Variants in KYNU observed in about 807,000 individuals in gnomAD.
The protein encoded by KYNU is kynureninase.
KYNU carries 54 observed loss-of-function variants against 59.2 expected under a neutral mutation model. The ratio of observed to expected loss-of-function variants is 0.91; its 90% CI spans 0.73 to 1.14. KYNU has a LOEUF of 1.14. Ranked by LOEUF, KYNU falls within the 50% of genes most tolerant of loss-of-function variation. The pLI is 0.00. For missense variants in KYNU, 567 were observed against 554.4 expected (o/e 1.02, Z -0.23); for synonymous variants, 177 against 192.0 (o/e 0.92, Z 0.65).
At position 142,919,123 on chromosome 2, in the gene KYNU, C is replaced by T. The variant is rs377642900; in HGVS notation, c.290+394C>T. Among the ~76,000 whole-genome samples the T allele has an allele frequency of 3.2e-4, 49 of 152,216 alleles. No individual in the cohort carries two copies. The East Asian group carries it at 4.0e-3, about 13-fold the overall frequency. On this transcript the variant is annotated intron_variant, in intron 3 of 13. Coordinates refer to ENST00000264170, the MANE Select transcript of KYNU (RefSeq NM_003937.3). ...TTTTTTTCCCCAAATATTTTTGATC[C>T]GCAGTTGGTTGAATCCATAGAGAGG...
chr2:142,885,960 T>C (rs1230287773), intron 2 of KYNU, among the ~76,000 whole-genome samples: 4 of 152,186 alleles, frequency 2.6e-5, no homozygotes, highest in Non-Finnish European at 4.4e-5. Context: ...GTGACCTGGA[T>C]ATATTAGAAG....
chr2:142,910,763 G>C (rs955350460), intron 2 of KYNU, among the ~76,000 whole-genome samples: 2 of 152,160 alleles, frequency 1.3e-5, no homozygotes, highest in African/African-American at 4.8e-5. Flanking sequence ...GTGAAAGGTA[G>C]GGGTCCAGTT....
At chr2:142,960,480 A>G in intron 7 of KYNU, 144 bp from the exon 8 acceptor site, 1 of 603,950 alleles carries the variant, frequency 1.7e-6, no homozygotes, top group South Asian at 2.9e-5. Context: ...TGCTGCTCTT[A>G]TGCCAGATTT....
chr2:142,998,165 A>C (rs1165959546), intron 10 of KYNU, among the ~76,000 whole-genome samples: 1 of 152,064 alleles, frequency 6.6e-6, no homozygotes, highest in Admixed American at 6.6e-5. Context: ...TTTGATTTTT[A>C]ATTTTTGATG....
chr2:142,980,859 A>G (rs1685032480), intron 8 of KYNU, among the ~76,000 whole-genome samples: 1 of 152,142 alleles, frequency 6.6e-6, no homozygotes, highest in Non-Finnish European at 1.5e-5. Context: ...TCAAGTATAG[A>G]GTGTTTGCTT....
intron 10 of KYNU, among the ~76,000 whole-genome samples, chr2:143,028,185 C>T (rs1243093124): frequency 1.3e-5 from 2 of 150,782 alleles, no homozygotes; most frequent in East Asian, 1.9e-4. Context: ...AATATATACA[C>T]ACACGTATGT....
At chr2:142,903,971 T>C (rs1682197186) in intron 2 of KYNU, among the ~76,000 whole-genome samples, 1 of 152,220 alleles carries the variant, frequency 6.6e-6, no homozygotes. Context: ...CTTTTCTTTA[T>C]CCCGTTTATC....
At chr2:142,928,997 C>T (rs1481358683) in intron 4 of KYNU, among the ~76,000 whole-genome samples, 1 of 125,272 alleles carries the variant, frequency 8.0e-6, no homozygotes, top group African/African-American at 3.2e-5. Context: ...GACAGGGTGA[C>T]ACCCTGTCTC....
In KYNU at chr2:142,966,734, G is replaced by A. The variant is rs140587294; in HGVS notation, c.729+5964G>A. Among the ~76,000 whole-genome samples the A allele has an allele frequency of 3.3e-5, 5 of 152,108 alleles. No individual in the cohort carries two copies. The East Asian group carries it at 7.7e-4, about 23-fold the overall frequency. ...CATTTAACAAATTAGGAAAATAATCGTGCCAACTTCACAGGTTTGTTCTAA... is the reference window on the plus strand; with the variant it reads ...CATTTAACAAATTAGGAAAATAATCATGCCAACTTCACAGGTTTGTTCTAA... On this transcript the variant is annotated intron_variant, in intron 8 of 13. Transcript: ENST00000264170.
intron 2 of KYNU, among the ~76,000 whole-genome samples, chr2:142,892,918 G>T (rs1034919517): frequency 2.0e-5 from 3 of 152,182 alleles, no homozygotes; most frequent in Non-Finnish European, 2.9e-5. Context: ...CAAATAATGT[G>T]TGTGCACTCT....
At chr2:142,992,910 C>T (rs552645215) in intron 10 of KYNU, among the ~76,000 whole-genome samples, 1 of 152,082 alleles carries the variant, frequency 6.6e-6, no homozygotes, top group South Asian at 2.1e-4. Flanking sequence ...TGATTTAAGT[C>T]ACAGGCAACC....
At chr2:142,921,594 G>T (rs1050103353) in intron 3 of KYNU, among the ~76,000 whole-genome samples, 1 of 152,066 alleles carries the variant, frequency 6.6e-6, no homozygotes, top group Admixed American at 6.6e-5. Flanking sequence ...GACCACAAAA[G>T]CCCAGTAGTT....
intron 1 of KYNU, among the ~76,000 whole-genome samples, chr2:142,881,916 C>CTTTTTTT (rs869099302): frequency 7.9e-3 from 896 of 113,006 alleles, no homozygotes; most frequent in Middle Eastern, 0.013. Context: ...TTTCTTTTTT[C>CTTTTTTT]TTTTTTTTTT....
intron 12 of KYNU, among the ~76,000 whole-genome samples, chr2:143,038,100 G>A (rs1425724921): frequency 2.6e-5 from 4 of 152,118 alleles, no homozygotes; most frequent in African/African-American, 9.7e-5. Flanking sequence ...CTAAATGCAA[G>A]TAATATTCCT....
rs558437251 is a variant in KYNU, at chr2:142,883,339, C to T, written c.-19-2010C>T. 1.1e-3 allele frequency among the ~76,000 whole-genome samples: 160 copies of T among 151,520 alleles called. No homozygotes were observed. The South Asian group carries it at 0.011, about 10-fold the overall frequency. The stretch of plus-strand genomic sequence containing the variant: ...CTTCCCGAGTAGCTGGGACTACAGG[C>T]GCCCGCCACCTCGCACGGCTAATTT... On this transcript the variant is annotated intron_variant, in intron 1 of 13. Transcript: ENST00000264170.
At chr2:142,923,877 G>A (rs564604551) in intron 3 of KYNU, among the ~76,000 whole-genome samples, 1 of 152,216 alleles carries the variant, frequency 6.6e-6, no homozygotes, top group Non-Finnish European at 1.5e-5. Flanking sequence ...TTAAATATCA[G>A]GAATAAACCA....
chr2:142,992,038 G>C (rs1281986032), intron 10 of KYNU, among the ~76,000 whole-genome samples: 2 of 151,800 alleles, frequency 1.3e-5, no homozygotes, highest in Non-Finnish European at 2.9e-5. Context: ...GTATCTTGCT[G>C]ATTATATAAT....
chr2:142,906,374 A>G (rs949452474), intron 2 of KYNU, among the ~76,000 whole-genome samples: 6 of 152,174 alleles, frequency 3.9e-5, no homozygotes, highest in Non-Finnish European at 7.4e-5. Flanking sequence ...TGCTGGGTAG[A>G]AATTAGGGGA....
At chr2:142,892,386 T>C (rs1681744317) in intron 2 of KYNU, among the ~76,000 whole-genome samples, 1 of 152,188 alleles carries the variant, frequency 6.6e-6, no homozygotes, top group South Asian at 2.1e-4. Context: ...CGTCCAATCA[T>C]GAAGAGGGAA....
Sources: gnomAD v4.1 joint callset for allele counts (sites outside exome capture counted in the v4.1 genomes callset) on GRCh38, gnomAD v4.1.1 for gene constraint, MANE v1.5 for transcripts, NCBI Gene and HGNC (gene_info 2026-07-23, HGNC 2026-07-21) for gene names.